The following SDK1 variants were observed in gnomAD, a reference collection of about 807,000 sequenced individuals.
The protein encoded by SDK1 is sidekick cell adhesion molecule 1.
In SDK1, 157 loss-of-function variants were observed where a neutral mutation model predicts 245.5. The observed-to-expected ratio is 0.64, with a 90% confidence interval of 0.56 to 0.73. The LOEUF is 0.73. Among genes scored for constraint, SDK1 ranks in the 30% least tolerant of loss-of-function variants. SDK1 has a pLI of 0.00. For missense variants in SDK1, 3,583 were observed against 3,002.3 expected (o/e 1.19, Z -4.52); for synonymous variants, 1,647 against 1,278.5 (o/e 1.29, Z -6.15).
At chr7:3,523,292 A>G (rs1433457250) in intron 1 of SDK1, among the ~76,000 whole-genome samples, 3 of 152,190 alleles carry the variant, frequency 2.0e-5, no homozygotes, top group African/African-American at 4.8e-5. Flanking sequence ...TTCTCAGTGC[A>G]GGGAAGTGTG....
intron 42 of SDK1, among the ~76,000 whole-genome samples, chr7:4,241,480 A>G (rs1786512448): frequency 1.3e-5 from 2 of 152,190 alleles, no homozygotes; most frequent in Admixed American, 6.5e-5. Flanking sequence ...ACCAAAACAA[A>G]CAAACAAAAA....
intron 1 of SDK1, among the ~76,000 whole-genome samples, chr7:3,431,614 T>G (rs772201955): frequency 2.0e-5 from 3 of 152,092 alleles, no homozygotes; most frequent in Non-Finnish European, 4.4e-5. Context: ...GAATCAAACT[T>G]TTGTGGTAAT....
intron 11 of SDK1, among the ~76,000 whole-genome samples, chr7:3,971,040 C>T (rs1782452150): frequency 6.6e-6 from 1 of 152,196 alleles, no homozygotes; most frequent in Admixed American, 6.5e-5. Flanking sequence ...TTAGCCCTCA[C>T]AAGAGTGTCT....
intron 40 of SDK1, 90 bp from the exon 41 acceptor site, chr7:4,233,165 G>A (rs996531691): frequency 3.1e-5 from 41 of 1,318,672 alleles, no homozygotes; most frequent in Admixed American, 1.6e-4. Flanking sequence ...CAGGGCTGCT[G>A]CAAGCCGACC....
chr7:4,194,404 A>G (rs1362823924), intron 35 of SDK1, among the ~76,000 whole-genome samples: 2 of 118,218 alleles, frequency 1.7e-5, no homozygotes, highest in Admixed American at 7.8e-5. Flanking sequence ...ACATATATGT[A>G]TGCACATATG....
At chr7:3,857,384 G>C (rs752555052) in intron 5 of SDK1, among the ~76,000 whole-genome samples, 1 of 152,060 alleles carries the variant, frequency 6.6e-6, no homozygotes, top group African/African-American at 2.4e-5. Flanking sequence ...GATTACTTGC[G>C]TAGAAAACCT....
At chr7:4,238,839 C>T (rs1229772027) in intron 42 of SDK1, among the ~76,000 whole-genome samples, 1 of 151,846 alleles carries the variant, frequency 6.6e-6, no homozygotes, top group Non-Finnish European at 1.5e-5. Context: ...TGAGCCACCG[C>T]GCCCTGCCGA....
At chr7:3,877,884 A>G (rs957298829) in intron 5 of SDK1, among the ~76,000 whole-genome samples, 4 of 148,092 alleles carry the variant, frequency 2.7e-5, no homozygotes, top group Non-Finnish European at 5.9e-5. Context: ...AATTTAGGTT[A>G]CTTGCAGTGA....
chr7:3,736,693 C>T (rs149605717), intron 4 of SDK1, among the ~76,000 whole-genome samples: 1 of 152,122 alleles, frequency 6.6e-6, no homozygotes, highest in African/African-American at 2.4e-5. Context: ...ATAAGGTATA[C>T]AGCGTGATGC....
At chr7:3,774,343 T>A (rs1336118670) in intron 4 of SDK1, among the ~76,000 whole-genome samples, 2 of 152,070 alleles carry the variant, frequency 1.3e-5, no homozygotes, top group Non-Finnish European at 2.9e-5. Context: ...TGTCTGCACC[T>A]CTGTGATCAA....
At chr7:3,935,350 T>C (rs1216336626) in intron 5 of SDK1, among the ~76,000 whole-genome samples, 6 of 152,152 alleles carry the variant, frequency 3.9e-5, no homozygotes, top group African/African-American at 1.2e-4. Context: ...AGGAATGATA[T>C]TGATAACACT....
intron 5 of SDK1, among the ~76,000 whole-genome samples, chr7:3,888,406 C>A (rs866870224): frequency 6.6e-6 from 1 of 152,208 alleles, no homozygotes; most frequent in Non-Finnish European, 1.5e-5. Context: ...AACCGTACCC[C>A]GCCTCTGCAA....
At chr7:3,849,363 G>C (rs1356968375) in intron 5 of SDK1, among the ~76,000 whole-genome samples, 2 of 152,220 alleles carry the variant, frequency 1.3e-5, no homozygotes, top group East Asian at 3.9e-4. Context: ...CTCCCCTTTC[G>C]ACCTTGTATC....
intron 1 of SDK1, among the ~76,000 whole-genome samples, chr7:3,495,605 C>T (rs1343701588): frequency 6.6e-6 from 1 of 152,168 alleles, no homozygotes; most frequent in Non-Finnish European, 1.5e-5. Context: ...CTCTTTGCAA[C>T]ATTGATGAAA....
intron 35 of SDK1, among the ~76,000 whole-genome samples, chr7:4,190,337 C>T (rs942746845): frequency 1.3e-5 from 2 of 151,940 alleles, no homozygotes; most frequent in African/African-American, 2.4e-5. Context: ...GCTGTCTACA[C>T]GGTCCTGGAT....
chr7:4,175,007 A>C (rs2128217877), intron 33 of SDK1, among the ~76,000 whole-genome samples: 1 of 152,334 alleles, frequency 6.6e-6, no homozygotes, highest in Non-Finnish European at 1.5e-5. Flanking sequence ...AGAGTGAAGA[A>C]GCAGCTCCAG....
intron 1 of SDK1, among the ~76,000 whole-genome samples, chr7:3,493,333 C>A (rs558257105): frequency 6.6e-6 from 1 of 152,340 alleles, no homozygotes; most frequent in African/African-American, 2.4e-5. Context: ...CATTTCTTCA[C>A]AGCTAAACTC....
At chr7:3,883,450 C>T (rs1162273888) in intron 5 of SDK1, among the ~76,000 whole-genome samples, 2 of 152,124 alleles carry the variant, frequency 1.3e-5, no homozygotes, top group East Asian at 1.9e-4. Context: ...TGTGCACATG[C>T]AGGTGTGTGT....
intron 1 of SDK1, among the ~76,000 whole-genome samples, chr7:3,362,581 G>GT (rs1562441190): frequency 6.6e-6 from 1 of 151,794 alleles, no homozygotes; most frequent in Non-Finnish European, 1.5e-5. Flanking sequence ...GCATAATTGC[G>GT]TTTTTCTTTT....
Sources: gnomAD v4.1 joint callset for allele counts (sites outside exome capture counted in the v4.1 genomes callset) on GRCh38, gnomAD v4.1.1 for gene constraint, MANE v1.5 for transcripts, NCBI Gene and HGNC (gene_info 2026-07-23, HGNC 2026-07-21) for gene names.